The following OSBPL3 variants were observed in gnomAD, a reference collection of about 807,000 sequenced individuals.
OSBPL3 encodes the protein oxysterol binding protein like 3, also known as oxysterol-binding protein-related protein 3.
Under a neutral mutation model 120.1 loss-of-function variants are expected in OSBPL3, and 65 were observed. The ratio of observed to expected loss-of-function variants is 0.54; its 90% CI spans 0.44 to 0.67. The LOEUF is 0.67. Ranked by LOEUF, OSBPL3 falls within the 30% of genes least tolerant of loss-of-function variation. The pLI, the probability that OSBPL3 is intolerant of heterozygous loss-of-function variation, is 0.00. For synonymous variants in OSBPL3, 416 were observed against 402.6 expected, an observed-to-expected ratio of 1.03 and a Z score of -0.40; for missense variants, 1,004 against 1,082.1, an observed-to-expected ratio of 0.93 and a Z score of 1.01.
Position 24,855,443 on chromosome 7 carries a change from T to C in OSBPL3, c.1028-2809A>G, listed in dbSNP as rs1799722773. Among the ~76,000 whole-genome samples, 1 of 152,146 alleles carries C rather than the reference T, an allele frequency of 6.6e-6. No individual in the cohort carries two copies. Among genetic ancestry groups the C allele is most frequent in the Non-Finnish European group, 1.5e-5 (1 of 68,010 alleles). The stretch of plus-strand genomic sequence containing the variant: ...GGTTCAAAATGTACAGCTGACAAGA[T>C]TGCAATAGGTGTAAGATAAGCAGAA... On this transcript the variant is annotated intron_variant, in intron 10 of 22. Coordinates refer to ENST00000313367, the MANE Select transcript of OSBPL3 (RefSeq NM_015550.4). This position sits in a 1 kb window ranked among gnomAD's most constrained non-coding sequence, Gnocchi z 4.3.
chr7:24,920,968 A>T (rs1810313836), intron 1 of OSBPL3, among the ~76,000 whole-genome samples: 1 of 152,204 alleles, frequency 6.6e-6, no homozygotes. Context: ...ATATCCAGTA[A>T]TGAACCTGGG....
intron 2 of OSBPL3, among the ~76,000 whole-genome samples, chr7:24,885,511 G>A (rs561009646): frequency 6.6e-6 from 1 of 152,292 alleles, no homozygotes; most frequent in South Asian, 2.1e-4. Flanking sequence ...AGGGTGACAA[G>A]AGTGAATTGC....
At position 24,831,589 on chromosome 7, in the gene OSBPL3, G is replaced by T. The variant is rs1208094831; in HGVS notation, c.1747-684C>A. ...GGGCAGCCCTTACTGTGAGGTCTTG[G>T]CGTCTTTAGCAATTCCCCGTCAGGG... is the stretch of plus-strand genomic sequence containing the variant. On this transcript the variant is annotated intron_variant, in intron 15 of 22. Transcript: ENST00000313367. This position sits in a 1 kb window ranked among gnomAD's most constrained non-coding sequence, Gnocchi z 4.0. Among the ~76,000 whole-genome samples the T allele has an allele frequency of 6.6e-6, 1 of 152,196 alleles. No individual in the cohort carries two copies. The highest frequency in any genetic ancestry group is 1.5e-5 in the Non-Finnish European group (1 of 68,046).
intron 1 of OSBPL3, among the ~76,000 whole-genome samples, chr7:24,925,832 G>C (rs1255634020): frequency 6.6e-6 from 1 of 152,204 alleles, no homozygotes; most frequent in Non-Finnish European, 1.5e-5. Flanking sequence ...CGGCTGGCTA[G>C]CTTTATTTAT....
intron 1 of OSBPL3, among the ~76,000 whole-genome samples, chr7:24,928,353 G>A (rs958186262): frequency 9.9e-5 from 15 of 151,936 alleles, no homozygotes; most frequent in Middle Eastern, 6.8e-3. Flanking sequence ...CACCACACCC[G>A]GCTACTTTTT....
chr7:24,923,738 G>A (rs573991052), intron 1 of OSBPL3, among the ~76,000 whole-genome samples: 13 of 152,192 alleles, frequency 8.5e-5, no homozygotes, highest in Non-Finnish European at 1.9e-4. Flanking sequence ...CTGCAGTGGG[G>A]CAGGCGGGCG....
chr7:24,815,953 C>T lies in OSBPL3; in HGVS notation c.2027+657G>A, dbSNP rs1481139146. Among the ~76,000 whole-genome samples, 2 of 152,174 alleles carry T rather than the reference C, an allele frequency of 1.3e-5. No individual in the cohort carries two copies. Among genetic ancestry groups the T allele is most frequent in the Non-Finnish European group, 2.9e-5 (2 of 68,038 alleles). ...TGCTTTATAAATAAGTATCAATCATCCCTATCAGATCAAGGCCATACTTTT... is the reference window on the plus strand; with the variant it reads ...TGCTTTATAAATAAGTATCAATCATTCCTATCAGATCAAGGCCATACTTTT... On this transcript the variant is annotated intron_variant, in intron 18 of 22. Coordinates refer to ENST00000313367, the MANE Select transcript of OSBPL3 (RefSeq NM_015550.4). This position sits in a 1 kb window ranked among gnomAD's most constrained non-coding sequence, Gnocchi z 5.1.
intron 14 of OSBPL3, among the ~76,000 whole-genome samples, chr7:24,840,216 C>T (rs778549357): frequency 3.1e-4 from 47 of 151,916 alleles, no homozygotes; most frequent in African/African-American, 8.0e-4. Flanking sequence ...TTGCTTGTAG[C>T]GGGTCCTCTA....
At chr7:24,944,076 TAAAAAA>T (rs70942898) in intron 1 of OSBPL3, among the ~76,000 whole-genome samples, 2 of 118,690 alleles carry the variant, frequency 1.7e-5, no homozygotes, top group African/African-American at 3.4e-5. Flanking sequence ...CAGTCTAAAG[TAAAAAA>T]AAAAAAAAAA....
chr7:24,811,664 T>C (rs1793814183), intron 19 of OSBPL3, among the ~76,000 whole-genome samples: 1 of 152,268 alleles, frequency 6.6e-6, no homozygotes, highest in African/African-American at 2.4e-5. Context: ...TTTAGTCCTT[T>C]TGAGCTGGTT....
At position 24,854,893 on chromosome 7, in the gene OSBPL3, T is replaced by C. The variant is rs972120051; in HGVS notation, c.1028-2259A>G. ...AGCACATAACACAATGCGTGGTATG[T>C]AATAAATAACAAATGTTACTGCAAT... On this transcript the variant is annotated intron_variant, in intron 10 of 22. Transcript: ENST00000313367. This position sits in a 1 kb window ranked among gnomAD's most constrained non-coding sequence, Gnocchi z 4.1. 6.6e-6 allele frequency among the ~76,000 whole-genome samples: 1 copy of C among 152,176 alleles called. No individual in the cohort carries two copies.
chr7:24,935,797 T>G (rs1584671383), intron 1 of OSBPL3, among the ~76,000 whole-genome samples: 1 of 152,264 alleles, frequency 6.6e-6, no homozygotes, highest in East Asian at 1.9e-4. Context: ...CTGGCATCTA[T>G]TTTGCAATGA....
Position 24,871,722 on chromosome 7 carries a change from G to T in OSBPL3, c.267+20C>A. The T allele has an allele frequency of 6.3e-7, 1 of 1,592,752 alleles. No homozygotes were observed. Among genetic ancestry groups the T allele is most frequent in the Non-Finnish European group, 8.6e-7 (1 of 1,160,898 alleles). On this transcript the variant is annotated intron_variant, in intron 4 of 22. Coordinates refer to ENST00000313367, the MANE Select transcript of OSBPL3 (RefSeq NM_015550.4). The surrounding 1 kb of genome is among the most constrained non-coding windows in gnomAD (Gnocchi z 4.8). ...CTTTAGGATTCTTCAATACCACAGT[G>T]GGCCCACAAAAAGACTTACATCGGT...
intron 1 of OSBPL3, among the ~76,000 whole-genome samples, chr7:24,923,436 C>G (rs146901712): frequency 6.6e-6 from 1 of 152,298 alleles, no homozygotes; most frequent in Non-Finnish European, 1.5e-5. Flanking sequence ...GGAAGTATTT[C>G]GAAGTTAGAC....
rs1279449255 is a variant in OSBPL3 at position 24,796,606 on chromosome 7, C to T, written c.*3577G>A. 2 of 151,990 alleles carry T rather than the reference C, an allele frequency of 1.3e-5. No homozygotes were observed. The highest frequency in any genetic ancestry group is 2.9e-5 in the Non-Finnish European group (2 of 68,024). 9.4% of individuals were successfully genotyped at this position (151,990 alleles called of 1,614,324 possible). A position where few individuals can be genotyped will look rare whatever the true frequency, so the allele number is the denominator to read the frequency against. On this transcript the variant is annotated 3_prime_UTR_variant, in exon 23 of 23. Coordinates refer to ENST00000313367, the MANE Select transcript of OSBPL3 (RefSeq NM_015550.4). This position sits in a 1 kb window ranked among gnomAD's most constrained non-coding sequence, Gnocchi z 5.2. ...AGGGGGATAAGCAAATTAATAGGAGCTTTTTGGGGAGGCAGAGGTATGGAT... is the reference window on the plus strand; with the variant it reads ...AGGGGGATAAGCAAATTAATAGGAGTTTTTTGGGGAGGCAGAGGTATGGAT...
intron 2 of OSBPL3, among the ~76,000 whole-genome samples, chr7:24,878,917 TGA>T (rs1803247095): frequency 1.3e-5 from 2 of 152,174 alleles, no homozygotes; most frequent in Non-Finnish European, 2.9e-5. Context: ...AAGCCCAACT[TGA>T]GTAGCCACAT....
chr7:24,879,457 A>T lies in OSBPL3; in HGVS notation c.97-7388T>A, dbSNP rs1421760352. ...ATGTAGCTCTCCAACCTCAGGCCAG[A>T]GCTAGGGAAGTGAATATCCAGATAA... On this transcript the variant is annotated intron_variant, in intron 2 of 22. Transcript: ENST00000313367. The surrounding 1 kb of genome is among the most constrained non-coding windows in gnomAD (Gnocchi z 5.6). 1.3e-5 allele frequency among the ~76,000 whole-genome samples: 2 copies of T among 152,146 alleles called. No individual in the cohort carries two copies. Among genetic ancestry groups the T allele is most frequent in the Non-Finnish European group, 2.9e-5 (2 of 68,022 alleles).
intron 1 of OSBPL3, among the ~76,000 whole-genome samples, chr7:24,976,263 C>T (rs951879326): frequency 1.3e-5 from 2 of 151,766 alleles, no homozygotes; most frequent in East Asian, 3.8e-4. Context: ...AAGTTCAGCA[C>T]CTATTACTAC....
chr7:24,910,591 T>C lies in OSBPL3; in HGVS notation c.-149-17970A>G, dbSNP rs564442674. Among the ~76,000 whole-genome samples the C allele has an allele frequency of 2.5e-4, 38 of 152,342 alleles. No homozygotes were observed. The South Asian group carries it at 6.4e-3, about 26-fold the overall frequency. On this transcript the variant is annotated intron_variant, in intron 1 of 22. Transcript: ENST00000313367. ...CACTGCTGTGCTAACCCTTCAGTGATGGAAACTAAGTGACAGAAACTTAAT... is the reference window on the plus strand; with the variant it reads ...CACTGCTGTGCTAACCCTTCAGTGACGGAAACTAAGTGACAGAAACTTAAT...
Sources: allele counts gnomAD v4.1 joint callset (sites outside exome capture counted in the v4.1 genomes callset), GRCh38; gene constraint gnomAD v4.1.1; non-coding constraint Gnocchi (gnomAD v3.1); transcripts MANE v1.5; gene names NCBI Gene and HGNC (gene_info 2026-07-23, HGNC 2026-07-21).